The following MAGI2 variants were observed in gnomAD, a reference collection of about 807,000 sequenced individuals.
The protein encoded by MAGI2 is membrane-associated guanylate kinase, WW and PDZ domain-containing protein 2.
MAGI2 carries 35 observed loss-of-function variants against 133.3 expected under a neutral mutation model. The ratio of observed to expected loss-of-function variants is 0.26; its 90% CI spans 0.20 to 0.35. MAGI2 has a LOEUF of 0.35. Among genes scored for constraint, MAGI2 ranks in the 10% least tolerant of loss-of-function variants. The pLI is 1.00. For synonymous variants in MAGI2, 729 were observed against 710.6 expected (o/e 1.03, Z -0.41); for missense variants, 1,636 against 1,863.4 (o/e 0.88, Z 2.25).
At chr7:78,249,443 G>T (rs1792147460) in intron 10 of MAGI2, among the ~76,000 whole-genome samples, 1 of 152,114 alleles carries the variant, frequency 6.6e-6, no homozygotes, top group African/African-American at 2.4e-5. Flanking sequence ...CAATAGCCAA[G>T]ATATGGAGCC....
intron 2 of MAGI2, among the ~76,000 whole-genome samples, chr7:78,664,810 G>T (rs1585015889): frequency 6.6e-6 from 1 of 151,846 alleles, no homozygotes; most frequent in African/African-American, 2.4e-5. Context: ...AGCTATGCTT[G>T]AAACTTTTTA....
At chr7:78,851,001 C>T (rs1241955751) in intron 2 of MAGI2, among the ~76,000 whole-genome samples, 1 of 151,958 alleles carries the variant, frequency 6.6e-6, no homozygotes, top group African/African-American at 2.4e-5. Flanking sequence ...TTGATTGTCT[C>T]AGTACACAGC....
chr7:78,684,235 C>G (rs1816020636), intron 2 of MAGI2, among the ~76,000 whole-genome samples: 1 of 151,976 alleles, frequency 6.6e-6, no homozygotes, highest in Non-Finnish European at 1.5e-5. Flanking sequence ...TAAACTAGGC[C>G]TTGTATTTTT....
chr7:78,847,916 TA>T (rs1246488231), intron 2 of MAGI2, among the ~76,000 whole-genome samples: 1 of 152,004 alleles, frequency 6.6e-6, no homozygotes, highest in Non-Finnish European at 1.5e-5. Flanking sequence ...TGGCATATGG[TA>T]AGTATTTAAT....
intron 6 of MAGI2, among the ~76,000 whole-genome samples, chr7:78,458,124 C>T (rs1048076466): frequency 3.3e-5 from 5 of 151,704 alleles, no homozygotes; most frequent in African/African-American, 1.2e-4. Flanking sequence ...GGTGAAACAC[C>T]GTCTCTACTA....
intron 1 of MAGI2, among the ~76,000 whole-genome samples, chr7:79,259,706 A>G (rs1278796323): frequency 6.6e-6 from 1 of 152,212 alleles, no homozygotes; most frequent in Non-Finnish European, 1.5e-5. Flanking sequence ...TTTCATTACC[A>G]AATTGTTACT....
chr7:78,625,774 T>G (rs933755756), intron 3 of MAGI2, among the ~76,000 whole-genome samples: 7 of 152,188 alleles, frequency 4.6e-5, no homozygotes, highest in Non-Finnish European at 8.8e-5. Context: ...TTTTCTATGA[T>G]TAGGTGTGTT....
At chr7:78,667,350 GTT>G (rs34698367) in intron 2 of MAGI2, among the ~76,000 whole-genome samples, 2 of 139,342 alleles carry the variant, frequency 1.4e-5, no homozygotes, top group Admixed American at 7.1e-5. Flanking sequence ...AACCAATTGG[GTT>G]TTTTTTTTTG....
chr7:78,196,370 ATT>A (rs1339548281), intron 11 of MAGI2, among the ~76,000 whole-genome samples: 4 of 152,102 alleles, frequency 2.6e-5, no homozygotes, highest in African/African-American at 7.2e-5. Flanking sequence ...TACTTGTTGT[ATT>A]ACCAGTGCAT....
chr7:78,886,795 A>G (rs906195028), intron 2 of MAGI2, among the ~76,000 whole-genome samples: 1 of 152,104 alleles, frequency 6.6e-6, no homozygotes, highest in South Asian at 2.1e-4. Context: ...GCTCTCAATT[A>G]TATGTTTCTA....
At chr7:79,130,158 A>AC (rs1356916272) in intron 1 of MAGI2, among the ~76,000 whole-genome samples, 1 of 151,128 alleles carries the variant, frequency 6.6e-6, no homozygotes, top group Non-Finnish European at 1.5e-5. Context: ...TCTCTACAAA[A>AC]AAAAAAAAAA....
chr7:79,366,603 C>G (rs1052504602), intron 1 of MAGI2, among the ~76,000 whole-genome samples: 3 of 152,054 alleles, frequency 2.0e-5, no homozygotes, highest in African/African-American at 7.2e-5. Context: ...TGGATTGCAT[C>G]AATGTCAGTA....
At chr7:78,648,445 A>C (rs1462841348) in intron 2 of MAGI2, among the ~76,000 whole-genome samples, 1 of 152,234 alleles carries the variant, frequency 6.6e-6, no homozygotes, top group African/African-American at 2.4e-5. Context: ...ACAACAGCTG[A>C]AACCTGAAAT....
chr7:79,069,406 G>C (rs1219588366), intron 1 of MAGI2, among the ~76,000 whole-genome samples: 2 of 152,124 alleles, frequency 1.3e-5, no homozygotes, highest in Non-Finnish European at 2.9e-5. Flanking sequence ...TTTTATCAGA[G>C]ACTAGGATTG....
intron 9 of MAGI2, among the ~76,000 whole-genome samples, chr7:78,281,087 C>G (rs1252625141): frequency 1.3e-5 from 2 of 152,066 alleles, no homozygotes; most frequent in Non-Finnish European, 2.9e-5. Context: ...CTAAGCTCAA[C>G]TCTTTACATT....
intron 3 of MAGI2, among the ~76,000 whole-genome samples, chr7:78,563,673 A>T (rs140589261): frequency 1.3e-5 from 2 of 152,222 alleles, no homozygotes; most frequent in African/African-American, 4.8e-5. Flanking sequence ...TGTTGGTAGA[A>T]GTAGTTGGTG....
At position 78,311,959 on chromosome 7, in the gene MAGI2, C is replaced by T. The variant is rs559076324; in HGVS notation, c.1408+31819G>A. ...CTAATTTTTGTATTTTTAGTAGAGA[C>T]GGGGTTTCACCATGTTGGCCAGGTT... On this transcript the variant is annotated intron_variant, in intron 9 of 21. Coordinates refer to ENST00000354212, the MANE Select transcript of MAGI2 (RefSeq NM_012301.4). Among the ~76,000 whole-genome samples the T allele has an allele frequency of 5.9e-5, 9 of 151,942 alleles. No homozygotes were observed. In the South Asian group the frequency reaches 1.2e-3, roughly 21 times the overall value.
chr7:79,329,115 T>C (rs933208416), intron 1 of MAGI2, among the ~76,000 whole-genome samples: 8 of 152,202 alleles, frequency 5.3e-5, no homozygotes, highest in Admixed American at 5.2e-4. Context: ...CCTTCCAACA[T>C]ACTACATAGT....
intron 1 of MAGI2, among the ~76,000 whole-genome samples, chr7:79,430,693 T>C (rs1434718456): frequency 6.6e-6 from 1 of 152,210 alleles, no homozygotes; most frequent in Non-Finnish European, 1.5e-5. Flanking sequence ...GTGACATATA[T>C]GTGCTTATAA....
Sources: gnomAD v4.1 joint callset for allele counts (sites outside exome capture counted in the v4.1 genomes callset) on GRCh38, gnomAD v4.1.1 for gene constraint, MANE v1.5 for transcripts, NCBI Gene and HGNC (gene_info 2026-07-23, HGNC 2026-07-21) for gene names.